Variants in GREB1 observed in about 807,000 individuals in gnomAD.
The protein encoded by GREB1 is growth regulating estrogen receptor binding 1, also known as protein GREB1.
In GREB1, 106 loss-of-function variants were observed where a neutral mutation model predicts 200.7. That is an observed-to-expected ratio of 0.53 (90% CI 0.45 to 0.62). GREB1 has a LOEUF of 0.62. Ranked by LOEUF, GREB1 falls within the 20% of genes least tolerant of loss-of-function variation. The probability of loss-of-function intolerance (pLI) is 0.00; values close to 1 mark genes in which losing one functional copy is unlikely to be tolerated. For synonymous variants in GREB1, 1,132 were observed against 1,092.4 expected (o/e 1.04, Z -0.72); for missense variants, 2,243 against 2,556.8 (o/e 0.88, Z 2.65).
intron 10 of GREB1, chr2:11,591,919 G>A (rs1225449670): frequency 1.4e-6 from 1 of 736,936 alleles, no homozygotes; most frequent in African/African-American, 1.9e-5. Flanking sequence ...AAGAATGCAA[G>A]ACCCAAAGTT....
intron 10 of GREB1, among the ~76,000 whole-genome samples, chr2:11,589,818 G>A (rs1347508213): frequency 1.3e-5 from 2 of 152,202 alleles, no homozygotes; most frequent in Non-Finnish European, 2.9e-5. Context: ...GGGAGCAGAT[G>A]GGGCCTGGGT....
intron 4 of GREB1, among the ~76,000 whole-genome samples, chr2:11,570,382 G>A (rs1206747793): frequency 9.0e-5 from 13 of 144,926 alleles, no homozygotes; most frequent in Non-Finnish European, 1.3e-4. Flanking sequence ...CAGTCTAGGC[G>A]ACAAGAGTGA....
At position 11,632,911 on chromosome 2, in the gene GREB1, G is replaced by A; in HGVS notation, c.4839G>A (p.Lys1613=). Residue 1613 remains lysine, a synonymous_variant, in exon 28 of 33, where the codon AAG becomes AAA. Transcript: ENST00000381486. ...AGVGAAHFLI[K]ELSYHNLELE... ...CAGGTGCTGCTCATTTCCTCATCAAGGAGCTGTCCTACCATAACCTGGAGC... is the reference window on the plus strand; with the variant it reads ...CAGGTGCTGCTCATTTCCTCATCAAAGAGCTGTCCTACCATAACCTGGAGC... 6.2e-7 allele frequency: 1 copy of A among 1,614,004 alleles called. No homozygotes were observed. The highest frequency in any genetic ancestry group is 8.5e-7 in the Non-Finnish European group (1 of 1,179,968).
chr2:11,491,936 C>T (rs541370926), intron 1 of GREB1, among the ~76,000 whole-genome samples: 6 of 152,312 alleles, frequency 3.9e-5, no homozygotes, highest in African/African-American at 1.4e-4. Context: ...TGCTCTAATC[C>T]ACTATGTATG....
At chr2:11,510,232 T>A (rs1470010202) in intron 1 of GREB1, among the ~76,000 whole-genome samples, 2 of 152,234 alleles carry the variant, frequency 1.3e-5, no homozygotes, top group Admixed American at 6.5e-5. Flanking sequence ...TCAGATTTAA[T>A]GTCTGGTGAG....
intron 5 of GREB1, among the ~76,000 whole-genome samples, chr2:11,578,081 T>C (rs1443783197): frequency 6.6e-6 from 1 of 152,252 alleles, no homozygotes; most frequent in Admixed American, 6.5e-5. Context: ...GCTCCCACTC[T>C]TGACAACCAG....
At chr2:11,488,205 G>A (rs944431093) in intron 1 of GREB1, among the ~76,000 whole-genome samples, 1 of 152,172 alleles carries the variant, frequency 6.6e-6, no homozygotes, top group African/African-American at 2.4e-5. Flanking sequence ...GGAAACTCGG[G>A]GGGTGGTGAC....
upstream of GREB1, among the ~76,000 whole-genome samples, chr2:11,530,150 C>T (rs1481850442): frequency 6.6e-6 from 1 of 151,924 alleles, no homozygotes; most frequent in African/African-American, 2.4e-5. Flanking sequence ...CAATCTCAAC[C>T]TCCTGGGCTC....
intron 26 of GREB1, among the ~76,000 whole-genome samples, chr2:11,630,369 T>G (rs550296320): frequency 1.3e-5 from 2 of 152,326 alleles, no homozygotes; most frequent in East Asian, 1.9e-4. Flanking sequence ...CATTGGAGAG[T>G]AGCAACTTGC....
At chr2:11,619,032 C>T in intron 22 of GREB1, 113 bp downstream of exon 22, 1 of 1,061,320 alleles carries the variant, frequency 9.4e-7, no homozygotes, top group Non-Finnish European at 1.3e-6. Context: ...TTCACCCTTC[C>T]CGTGGTGGAA....
Position 11,640,539 on chromosome 2 carries a change from G to A in GREB1, c.*85G>A, listed in dbSNP as rs1441600713. 34 of 1,480,470 alleles carry A rather than the reference G, an allele frequency of 2.3e-5. No individual in the cohort carries two copies. The highest frequency in any genetic ancestry group is 3.1e-5 in the Non-Finnish European group (33 of 1,068,672). 91.7% of individuals were successfully genotyped at this position (1,480,470 alleles called of 1,614,324 possible). On this transcript the variant is annotated 3_prime_UTR_variant, in exon 33 of 33. Transcript: ENST00000381486. The surrounding 1 kb of genome is among the most constrained non-coding windows in gnomAD (Gnocchi z 4.6). The stretch of plus-strand genomic sequence containing the variant: ...CTAAAGGGAGGCCTGGAACGGTGGG[G>A]CGTTTGACTGGAATGGACCCCAGGG...
intron 32 of GREB1, among the ~76,000 whole-genome samples, chr2:11,639,462 C>T (rs759753709): frequency 1.3e-5 from 2 of 152,336 alleles, no homozygotes; most frequent in African/African-American, 2.4e-5. Context: ...TCCTGGTAGA[C>T]GAGTCTTTCT....
chr2:11,564,086 G>A (rs147623716), intron 3 of GREB1, among the ~76,000 whole-genome samples: 19 of 152,338 alleles, frequency 1.2e-4, no homozygotes, highest in Non-Finnish European at 2.6e-4. Flanking sequence ...GGAACAGCAT[G>A]TGCAAAGGCT....
chr2:11,483,244 ATGGGTGTGCGTGTG>A (rs780470783), intron 1 of GREB1, among the ~76,000 whole-genome samples: 12 of 137,836 alleles, frequency 8.7e-5, no homozygotes, highest in Non-Finnish European at 1.4e-4. Flanking sequence ...GTGTGCGTGT[ATGGGTGTGCGTGTG>A]TGCACGTGTG....
intron 1 of GREB1, among the ~76,000 whole-genome samples, chr2:11,519,509 G>A (rs978507733): frequency 4.4e-5 from 6 of 137,472 alleles, no homozygotes; most frequent in African/African-American, 8.1e-5. Context: ...AGGCTGGAGC[G>A]CAATGGCACG....
At chr2:11,588,549 G>A (rs1680403329) in intron 9 of GREB1, 197 bp from the exon 10 acceptor site, 1 of 650,234 alleles carries the variant, frequency 1.5e-6, no homozygotes, top group Non-Finnish European at 2.8e-6. Flanking sequence ...GGTTAGAAAA[G>A]GTGACTCCTC....
At chr2:11,532,596 A>G (rs1674115196), upstream of GREB1, among the ~76,000 whole-genome samples, 1 of 152,220 alleles carries the variant, frequency 6.6e-6, no homozygotes, top group African/African-American at 2.4e-5. Flanking sequence ...ATGATGAATC[A>G]TACCTAAACA....
At chr2:11,543,353 G>C (rs1674944642) in intron 1 of GREB1, among the ~76,000 whole-genome samples, 1 of 152,074 alleles carries the variant, frequency 6.6e-6, no homozygotes, top group African/African-American at 2.4e-5. Context: ...TAGAATTATG[G>C]GCAGTTAATT....
rs1424301631 is a variant in GREB1, at chr2:11,598,681, G to A, written c.2154G>A (p.Gly718=). ...TGATGTATGTTCTTTGTGTTGCAGG[G>A]GTTTTGCTGGAGCTTGGTCTGAAGA... ...QQTLLHVWHS[G]VLLELGLKKE... Residue 718 remains glycine (G), a splice_region_variant and synonymous_variant, in exon 15 of 33, where the codon GGG becomes GGA. Coordinates refer to ENST00000381486, the MANE Select transcript of GREB1 (RefSeq NM_014668.4). 1.2e-6 allele frequency: 2 copies of A among 1,613,902 alleles called. No individual in the cohort carries two copies. The highest frequency in any genetic ancestry group is 2.2e-5 in the South Asian group (2 of 91,040).
Sources: gnomAD v4.1 joint callset for allele counts (sites outside exome capture counted in the v4.1 genomes callset) on GRCh38, gnomAD v4.1.1 for gene constraint, Gnocchi (gnomAD v3.1) non-coding constraint, MANE v1.5 for transcripts, NCBI Gene and HGNC (gene_info 2026-07-23, HGNC 2026-07-21) for gene names.